Variants in PDZD2 observed in about 807,000 individuals in gnomAD.
The protein encoded by PDZD2 is PDZ domain containing 2.
PDZD2 carries 90 observed loss-of-function variants against 220.7 expected under a neutral mutation model. That is an observed-to-expected ratio of 0.41 (90% confidence interval 0.34 to 0.49). The LOEUF (loss-of-function observed/expected upper bound fraction) is 0.49. Among genes scored for constraint, PDZD2 ranks in the 20% least tolerant of loss-of-function variants. The probability of loss-of-function intolerance (pLI) is 0.28; values close to 1 mark genes in which losing one functional copy is unlikely to be tolerated. For synonymous variants in PDZD2, 1,375 were observed against 1,450.5 expected (o/e 0.95, Z 1.18); for missense variants, 3,174 against 3,608.5 (o/e 0.88, Z 3.08).
At chr5:31,898,053 C>CT (rs1381507597) in intron 2 of PDZD2, among the ~76,000 whole-genome samples, 1 of 152,086 alleles carries the variant, frequency 6.6e-6, no homozygotes, top group Non-Finnish European at 1.5e-5. Flanking sequence ...TTTTGTGTAT[C>CT]TTTTCTCTCC....
intron 1 of PDZD2, among the ~76,000 whole-genome samples, chr5:31,678,216 A>G (rs1229554522): frequency 6.6e-6 from 1 of 152,144 alleles, no homozygotes; most frequent in Non-Finnish European, 1.5e-5. Context: ...CCCTGGAGGA[A>G]GCTCCTGGCC....
At chr5:31,972,055 T>C (rs1749346616) in intron 2 of PDZD2, among the ~76,000 whole-genome samples, 1 of 152,218 alleles carries the variant, frequency 6.6e-6, no homozygotes, top group Non-Finnish European at 1.5e-5. Context: ...GGGGCTACTC[T>C]AACTGCAGAA....
At position 31,639,365 on chromosome 5, in the gene PDZD2, G is replaced by C. The variant is rs903254904; in HGVS notation, c.-433G>C. The C allele has an allele frequency of 6.6e-6, 1 of 150,452 alleles. No individual in the cohort carries two copies. Among genetic ancestry groups the C allele is most frequent in the African/African-American group, 2.4e-5 (1 of 41,260 alleles). The allele number at this position is 150,452 out of a possible 1,614,324, so 9.3% of individuals were successfully genotyped here. A position where few individuals can be genotyped will look rare whatever the true frequency, so the allele number is the denominator to read the frequency against. ...GTGGCCGCGGTGGCGGCAGCTGCGC[G>C]GGGACCCGCCGGGCGGCGCCTGGGT... On this transcript the variant is annotated 5_prime_UTR_variant, in exon 1 of 25. Coordinates refer to ENST00000438447, the MANE Select transcript of PDZD2 (RefSeq NM_178140.4). This position sits in a 1 kb window ranked among gnomAD's most constrained non-coding sequence, Gnocchi z 4.1.
intron 3 of PDZD2, 92 bp from the exon 4 acceptor site, chr5:31,995,484 G>C: frequency 7.8e-7 from 1 of 1,285,970 alleles, no homozygotes; most frequent in Non-Finnish European, 1.1e-6. Context: ...ACAAGTGATG[G>C]ATATTCGGCC....
chr5:31,713,907 C>T (rs1748282080), intron 1 of PDZD2, among the ~76,000 whole-genome samples: 1 of 152,198 alleles, frequency 6.6e-6, no homozygotes, highest in Non-Finnish European at 1.5e-5. Flanking sequence ...GATGCAGATG[C>T]CAGCACCATG....
intron 2 of PDZD2, among the ~76,000 whole-genome samples, chr5:31,864,929 A>G (rs1458515718): frequency 4.4e-5 from 6 of 136,774 alleles, no homozygotes; most frequent in Non-Finnish European, 3.0e-5. Flanking sequence ...GCTCACTTCA[A>G]GCTCCGCCTC....
In PDZD2 at chr5:31,858,771, T is replaced by A. The variant is rs189220781; in HGVS notation, c.476+59047T>A. Among the ~76,000 whole-genome samples the A allele has an allele frequency of 2.0e-5, 3 of 148,014 alleles. No homozygotes were observed. In the East Asian group the frequency reaches 6.1e-4, roughly 30 times the overall value. On this transcript the variant is annotated intron_variant, in intron 2 of 24. Coordinates refer to ENST00000438447, the MANE Select transcript of PDZD2 (RefSeq NM_178140.4). ...TCTCCCTCTGTTGCCCAGGCTGGAGTGTAGTGGCATGATTTCAACTCACTG... is the reference window on the plus strand; with the variant it reads ...TCTCCCTCTGTTGCCCAGGCTGGAGAGTAGTGGCATGATTTCAACTCACTG...
At chr5:31,880,468 C>G (rs1311128125) in intron 2 of PDZD2, among the ~76,000 whole-genome samples, 1 of 152,170 alleles carries the variant, frequency 6.6e-6, no homozygotes, top group Non-Finnish European at 1.5e-5. Flanking sequence ...GAAGTAAGCT[C>G]GTTCAAAATT....
chr5:32,056,671 G>T (rs1739114394), intron 10 of PDZD2, among the ~76,000 whole-genome samples: 1 of 152,144 alleles, frequency 6.6e-6, no homozygotes, highest in South Asian at 2.1e-4. Flanking sequence ...TGGGGCAGGG[G>T]GCCATGTGCG....
At chr5:31,880,203 G>A (rs1181556805) in intron 2 of PDZD2, among the ~76,000 whole-genome samples, 3 of 152,134 alleles carry the variant, frequency 2.0e-5, no homozygotes, top group Non-Finnish European at 4.4e-5. Flanking sequence ...GATTACAGGC[G>A]TGAGCCACTG....
At chr5:32,070,812 A>G (rs1166615081) in intron 15 of PDZD2, among the ~76,000 whole-genome samples, 1 of 152,182 alleles carries the variant, frequency 6.6e-6, no homozygotes, top group Non-Finnish European at 1.5e-5. Flanking sequence ...CCTGACCAAC[A>G]TGGAGAAACC....
rs368220223 is a variant in PDZD2, at chr5:31,884,231, G to GCATACATACATACATACATA, written c.476+84519_476+84538dup. 9.2e-3 allele frequency among the ~76,000 whole-genome samples: 1,385 copies of GCATACATACATACATACATA among 150,674 alleles called. 11 individuals carry two copies. The highest frequency in any genetic ancestry group is 0.011 in the African/African-American group (426 of 40,550). On this transcript the variant is annotated intron_variant, in intron 2 of 24. Coordinates refer to ENST00000438447, the MANE Select transcript of PDZD2 (RefSeq NM_178140.4). ...CCATCTCAAAAATAACTGCATGCAT[G>GCATACATACATACATACATA]CATACATACATACATACATACATAC...
intron 2 of PDZD2, among the ~76,000 whole-genome samples, chr5:31,928,768 G>GGC (rs1745011611): frequency 6.6e-6 from 1 of 152,066 alleles, no homozygotes; most frequent in African/African-American, 2.4e-5. Context: ...CACGATGCCG[G>GGC]GCCAAGAAAA....
intron 2 of PDZD2, among the ~76,000 whole-genome samples, chr5:31,978,579 G>A (rs1749991265): frequency 6.6e-6 from 1 of 152,080 alleles, no homozygotes; most frequent in Admixed American, 6.6e-5. Flanking sequence ...GCCAGGTGTG[G>A]TGGCAGGTGC....
intron 2 of PDZD2, among the ~76,000 whole-genome samples, chr5:31,940,756 T>C (rs1290077706): frequency 6.6e-6 from 1 of 152,188 alleles, no homozygotes; most frequent in African/African-American, 2.4e-5. Flanking sequence ...AGGCACGAAG[T>C]GGCCCTTGAG....
In PDZD2 at chr5:32,089,071, A is replaced by C; in HGVS notation, c.5623A>C (p.Asn1875His). ...KKSPAEMLLT[N>H]GQKAKCGPKL... is the part of the protein sequence containing the mutation. ...GAGTCCGGCAGAAATGCTTCTGACT[A>C]ATGGTCAGAAGGCAAAGTGTGGTCC... Residue 1875 changes from asparagine (N) to histidine (H), a missense_variant, in exon 20 of 25, where the codon AAT becomes CAT. Coordinates refer to ENST00000438447, the MANE Select transcript of PDZD2 (RefSeq NM_178140.4). 6.2e-7 allele frequency: 1 copy of C among 1,613,992 alleles called. No homozygotes were observed. Among genetic ancestry groups the C allele is most frequent in the Non-Finnish European group, 8.5e-7 (1 of 1,180,010 alleles).
chr5:31,682,439 G>A (rs1746687167), intron 1 of PDZD2, among the ~76,000 whole-genome samples: 1 of 152,142 alleles, frequency 6.6e-6, no homozygotes, highest in African/African-American at 2.4e-5. Flanking sequence ...GGGAGAAGTG[G>A]AATGGTACAT....
intron 7 of PDZD2, among the ~76,000 whole-genome samples, chr5:32,037,728 T>G (rs559461460): frequency 2.7e-4 from 41 of 152,276 alleles, no homozygotes; most frequent in African/African-American, 9.9e-4. Context: ...ATAGACTCTA[T>G]CTCCTGGGCA....
intron 1 of PDZD2, among the ~76,000 whole-genome samples, chr5:31,758,332 A>C (rs1271925441): frequency 6.6e-6 from 1 of 152,132 alleles, no homozygotes; most frequent in East Asian, 1.9e-4. Context: ...TGCCGATGGC[A>C]CTGGAGATGG....
Sources: allele counts gnomAD v4.1 joint callset (sites outside exome capture counted in the v4.1 genomes callset), GRCh38; gene constraint gnomAD v4.1.1; non-coding constraint Gnocchi (gnomAD v3.1); transcripts MANE v1.5; gene names NCBI Gene and HGNC (gene_info 2026-07-23, HGNC 2026-07-21).